DGKI: variants seen among roughly 807,000 people sequenced by gnomAD.
The protein encoded by DGKI is diacylglycerol kinase iota, also known as DAG kinase iota.
In DGKI, 55 loss-of-function variants were observed where a neutral mutation model predicts 147.5. That is an observed-to-expected ratio of 0.37 (90% CI 0.30 to 0.47). The LOEUF (loss-of-function observed/expected upper bound fraction) is 0.47, where lower values mean the gene tolerates loss of function less well. Ranked by LOEUF, DGKI falls within the 20% of genes least tolerant of loss-of-function variation. The pLI, the probability that DGKI is intolerant of heterozygous loss-of-function variation, is 1.00. For missense variants in DGKI, 1,007 were observed against 1,323.8 expected, an observed-to-expected ratio of 0.76 and a Z score of 3.71; for synonymous variants, 469 against 477.1, an observed-to-expected ratio of 0.98 and a Z score of 0.22.
chr7:137,649,514 C>T (rs983970380), intron 5 of DGKI, among the ~76,000 whole-genome samples: 6 of 152,088 alleles, frequency 3.9e-5, no homozygotes, highest in African/African-American at 1.4e-4. Flanking sequence ...CTATTACTTA[C>T]AGGTGTTAAA....
At chr7:137,427,935 C>G (rs535807031) in intron 28 of DGKI, among the ~76,000 whole-genome samples, 54 of 150,580 alleles carry the variant, frequency 3.6e-4, no homozygotes, top group Admixed American at 1.1e-3. Flanking sequence ...AAAGAGTCCA[C>G]GACCAGATGG....
At chr7:137,614,991 A>G (rs1000918926) in intron 8 of DGKI, among the ~76,000 whole-genome samples, 7 of 152,106 alleles carry the variant, frequency 4.6e-5, no homozygotes, top group African/African-American at 1.7e-4. Context: ...AAGGCCTACC[A>G]CAAATGGCAT....
chr7:137,755,192 A>C (rs1795641181), intron 1 of DGKI, among the ~76,000 whole-genome samples: 1 of 152,344 alleles, frequency 6.6e-6, no homozygotes, highest in Admixed American at 6.5e-5. Flanking sequence ...GGCATTCATC[A>C]GGAATCCTTT....
intron 6 of DGKI, among the ~76,000 whole-genome samples, chr7:137,639,201 A>T (rs142762636): frequency 2.2e-3 from 340 of 152,370 alleles, no homozygotes; most frequent in Non-Finnish European, 3.5e-3. Flanking sequence ...GAGCAAAAAC[A>T]TATGAAATAT....
chr7:137,443,029 AG>A (rs1467626282), intron 28 of DGKI, among the ~76,000 whole-genome samples: 7 of 152,196 alleles, frequency 4.6e-5, no homozygotes, highest in African/African-American at 9.6e-5. Context: ...GGAGAAAAGC[AG>A]GGAGATGGCA....
rs150851470 is a variant in DGKI at position 137,597,486 on chromosome 7, C to T, written c.1311+361G>A. Among the ~76,000 whole-genome samples, 357 of 151,968 alleles carry T rather than the reference C, an allele frequency of 2.3e-3. 2 individuals are homozygous for T. Among genetic ancestry groups the T allele is most frequent in the African/African-American group, 8.3e-3 (346 of 41,482 alleles). ...AAACATAATAATTCAATTGTGTCCA[C>T]GTATTTCTCCCTACTGTGGCCAAAT... On this transcript the variant is annotated intron_variant, in intron 12 of 32. Coordinates refer to ENST00000614521, the MANE Select transcript of DGKI (RefSeq NM_001321708.2).
chr7:137,619,269 G>A (rs561810758), intron 8 of DGKI, among the ~76,000 whole-genome samples: 111 of 152,258 alleles, frequency 7.3e-4, no homozygotes, highest in African/African-American at 2.6e-3. Context: ...AAGTGCACTG[G>A]GGAGAACACA....
chr7:137,760,167 C>A (rs748437219), intron 1 of DGKI, among the ~76,000 whole-genome samples: 1 of 152,118 alleles, frequency 6.6e-6, no homozygotes, highest in Non-Finnish European at 1.5e-5. Context: ...GGGCCCTCTC[C>A]TTTCTTTCCC....
chr7:137,459,222 G>A (rs76993033), intron 27 of DGKI, among the ~76,000 whole-genome samples: 2,777 of 152,152 alleles, frequency 0.018, 39 homozygotes, highest in Non-Finnish European at 0.026. Context: ...AAGGGAGGTT[G>A]ATGGATCTAA....
intron 32 of DGKI, among the ~76,000 whole-genome samples, 172 bp downstream of exon 32, chr7:137,395,426 A>G (rs568681523): frequency 3.7e-4 from 56 of 152,358 alleles, no homozygotes; most frequent in African/African-American, 1.3e-3. Flanking sequence ...GTGCTTATAC[A>G]TTTAAATCAC....
At chr7:137,640,237 A>G (rs1040260851) in intron 6 of DGKI, among the ~76,000 whole-genome samples, 3 of 152,138 alleles carry the variant, frequency 2.0e-5, no homozygotes, top group African/African-American at 7.2e-5. Flanking sequence ...AAGACACAGA[A>G]GGACAAACAC....
At chr7:137,492,981 T>C (rs976280663) in intron 21 of DGKI, among the ~76,000 whole-genome samples, 1 of 151,906 alleles carries the variant, frequency 6.6e-6, no homozygotes, top group Non-Finnish European at 1.5e-5. Context: ...TGCAGCATCC[T>C]CTGTACCACT....
At chr7:137,565,121 A>G (rs1362103383) in intron 19 of DGKI, among the ~76,000 whole-genome samples, 1 of 152,240 alleles carries the variant, frequency 6.6e-6, no homozygotes, top group African/African-American at 2.4e-5. Flanking sequence ...GAGGTTTACA[A>G]ACAATTATGT....
chr7:137,798,373 C>T (rs1585506108), intron 1 of DGKI, among the ~76,000 whole-genome samples: 1 of 152,074 alleles, frequency 6.6e-6, no homozygotes, highest in Non-Finnish European at 1.5e-5. Context: ...TAAAACCCAA[C>T]CAAAGCATCG....
intron 21 of DGKI, among the ~76,000 whole-genome samples, chr7:137,501,582 CA>C (rs1816171502): frequency 6.6e-6 from 1 of 152,080 alleles, no homozygotes. Flanking sequence ...TGAAGAAAGC[CA>C]AAAGACCCTT....
chr7:137,750,896 G>A (rs1301780973), intron 1 of DGKI, among the ~76,000 whole-genome samples: 3 of 152,036 alleles, frequency 2.0e-5, no homozygotes, highest in African/African-American at 7.2e-5. Flanking sequence ...AATTACACTG[G>A]AATTTAGTAA....
At chr7:137,795,594 G>A (rs1796997277) in intron 1 of DGKI, among the ~76,000 whole-genome samples, 1 of 152,118 alleles carries the variant, frequency 6.6e-6, no homozygotes, top group African/African-American at 2.4e-5. Context: ...CAAAATATGG[G>A]AAATGAGAAG....
intron 1 of DGKI, among the ~76,000 whole-genome samples, chr7:137,826,624 G>C (rs915581272): frequency 2.0e-5 from 3 of 151,824 alleles, no homozygotes; most frequent in Non-Finnish European, 2.9e-5. Flanking sequence ...CTATTAATTT[G>C]TTCAATGATT....
intron 2 of DGKI, among the ~76,000 whole-genome samples, chr7:137,688,159 C>T (rs1279824467): frequency 6.6e-6 from 1 of 152,146 alleles, no homozygotes; most frequent in Non-Finnish European, 1.5e-5. Flanking sequence ...ATTCCAGTGA[C>T]GTCCTCATTT....
Sources: allele counts gnomAD v4.1 joint callset (sites outside exome capture counted in the v4.1 genomes callset), GRCh38; gene constraint gnomAD v4.1.1; transcripts MANE v1.5; gene names NCBI Gene and HGNC (gene_info 2026-07-23, HGNC 2026-07-21).